Variants in ZNF491 observed in about 807,000 individuals in gnomAD.
ZNF491 encodes the protein zinc finger protein 491.
Under a neutral mutation model 34.7 loss-of-function variants are expected in ZNF491, and 22 were observed. The ratio of observed to expected loss-of-function variants is 0.63; its 90% CI spans 0.45 to 0.90. The LOEUF (loss-of-function observed/expected upper bound fraction) is 0.90. Ranked by LOEUF, ZNF491 falls within the 40% of genes least tolerant of loss-of-function variation. The pLI, the probability that ZNF491 is intolerant of heterozygous loss-of-function variation, is 0.00. For synonymous variants in ZNF491, 148 were observed against 174.3 expected (o/e 0.85, Z 1.19); for missense variants, 559 against 531.7 (o/e 1.05, Z -0.51).
chr19:11,806,705 C>A lies in ZNF491; in HGVS notation c.752C>A (p.Ala251Glu). The change falls in exon 3 of 3, where the codon GCA becomes GAA. Residue 251 changes from alanine to glutamate, a missense_variant. Physicochemically the swap from Ala to Glu is moderately radical, Grantham distance 107. Coordinates refer to ENST00000323169, the MANE Select transcript of ZNF491 (RefSeq NM_152356.4). ...TATGAATGTAAACTATATGGGAAAGCATTATCTCGCCTTATAAGCTTTCGA... is the reference window on the plus strand; with the variant it reads ...TATGAATGTAAACTATATGGGAAAGAATTATCTCGCCTTATAAGCTTTCGA... Reference protein sequence around the residue: ...KPYECKLYGKALSRLISFRRH... With the variant: ...KPYECKLYGKELSRLISFRRH... 1 of 1,613,726 alleles carries A rather than the reference C, an allele frequency of 6.2e-7. No homozygotes were observed. The highest frequency in any genetic ancestry group is 8.5e-7 in the Non-Finnish European group (1 of 1,179,854).
Position 11,806,175 on chromosome 19 carries a change from A to G in ZNF491, c.222A>G (p.Pro74=), listed in dbSNP as rs1415187160. The G allele has an allele frequency of 6.2e-7, 1 of 1,614,072 alleles. No individual in the cohort carries two copies. The stretch of plus-strand genomic sequence containing the variant: ...AGTGTCAGAAATTTTTAGAGAAGCC[A>G]TATAAACATAAACAACGTAGGAAAG... ...PHKCQKFLEK[P]YKHKQRRKAL... Residue 74 remains proline, a synonymous_variant, in exon 3 of 3, where the codon CCA becomes CCG. Coordinates refer to ENST00000323169, the MANE Select transcript of ZNF491 (RefSeq NM_152356.4).
chr19:11,805,869 T>C (rs2145100783), intron 2 of ZNF491, 78 bp from the exon 3 acceptor site: 1 of 1,217,912 alleles, frequency 8.2e-7, no homozygotes, highest in Non-Finnish European at 1.1e-6. Context: ...ACATTAAAAA[T>C]GCAAGTGTAA....
Position 11,808,122 on chromosome 19 carries a change from G to T in ZNF491, c.*855G>T, listed in dbSNP as rs1242708308. 6.1e-6 allele frequency: 1 copy of T among 163,650 alleles called. No individual in the cohort carries two copies. The highest frequency in any genetic ancestry group is 1.9e-4 in the East Asian group (1 of 5,198). 10.1% of individuals were successfully genotyped at this position (163,650 alleles called of 1,614,324 possible). On this transcript the variant is annotated 3_prime_UTR_variant, in exon 3 of 3. Transcript: ENST00000323169. ...TATTCAGCTGGGTGCAGTGGCTCAT[G>T]CCTGTAACCCCAGCACTTTGGGAGG... is the stretch of plus-strand genomic sequence containing the variant.
At chr19:11,804,773 A>G (rs903640850) in intron 2 of ZNF491, 106 bp downstream of exon 2, 2 of 456,794 alleles carry the variant, frequency 4.4e-6, no homozygotes, top group Non-Finnish European at 6.6e-6. Flanking sequence ...CCTTCGATGA[A>G]CAAATCAGGC....
chr19:11,799,717 C>G (rs936158117), intron 1 of ZNF491, among the ~76,000 whole-genome samples: 1 of 151,906 alleles, frequency 6.6e-6, no homozygotes, highest in Non-Finnish European at 1.5e-5. Flanking sequence ...GGGCGGATGA[C>G]GAGGTCAGGA....
In ZNF491 at chr19:11,807,930, T is replaced by G. The variant is rs969055626; in HGVS notation, c.*663T>G. 1.8e-5 allele frequency: 3 copies of G among 167,132 alleles called. No individual in the cohort carries two copies. Among genetic ancestry groups the G allele is most frequent in the African/African-American group, 7.2e-5 (3 of 41,458 alleles). 10.4% of individuals were successfully genotyped at this position (167,132 alleles called of 1,614,324 possible). ...TGACTGGTCTCATCCAGGACTCTCA[T>G]GTGAGAAGGAACACCTTGCTCTGGT... On this transcript the variant is annotated 3_prime_UTR_variant, in exon 3 of 3. Coordinates refer to ENST00000323169, the MANE Select transcript of ZNF491 (RefSeq NM_152356.4).
At position 11,806,136 on chromosome 19, in the gene ZNF491, A is replaced by G; in HGVS notation, c.183A>G (p.Gly61=). Residue 61 remains glycine, a synonymous_variant, in exon 3 of 3, where the codon GGA becomes GGG. Coordinates refer to ENST00000323169, the MANE Select transcript of ZNF491 (RefSeq NM_152356.4). ...SFNRNIRTDT[G]HQPHKCQKFL... is the part of the protein sequence containing the mutation. Reference sequence around the variant, plus strand: ...ATAGGAACATCAGAACTGACACTGGACACCAACCACATAAGTGTCAGAAAT... The same window carrying G: ...ATAGGAACATCAGAACTGACACTGGGCACCAACCACATAAGTGTCAGAAAT... 6.2e-7 allele frequency: 1 copy of G among 1,613,936 alleles called. No individual in the cohort carries two copies. Among genetic ancestry groups the G allele is most frequent in the Non-Finnish European group, 8.5e-7 (1 of 1,180,018 alleles).
At position 11,806,846 on chromosome 19, in the gene ZNF491, C is replaced by G. The variant is rs1250942648; in HGVS notation, c.893C>G (p.Pro298Arg). Residue 298 changes from proline (P) to arginine (R), a missense_variant, in exon 3 of 3, where the codon CCC becomes CGC. By Grantham distance (103) the Pro-to-Arg change is moderately radical. Coordinates refer to ENST00000323169, the MANE Select transcript of ZNF491 (RefSeq NM_152356.4). ...GAAAGAAGTCACACTGGAGAGAAACCCTACAAATGCAAGCAATGTGGGAAA... is the reference window on the plus strand; with the variant it reads ...GAAAGAAGTCACACTGGAGAGAAACGCTACAAATGCAAGCAATGTGGGAAA... The part of the protein sequence containing the change: ...RHERSHTGEK[P>R]YKCKQCGKAF... 6.2e-7 allele frequency: 1 copy of G among 1,609,044 alleles called. No individual in the cohort carries two copies. Among genetic ancestry groups the G allele is most frequent in the East Asian group, 2.2e-5 (1 of 44,864 alleles).
rs148440087 is a variant in ZNF491, at chr19:11,807,107, G to A, written c.1154G>A (p.Cys385Tyr). 785 of 1,611,760 alleles carry A rather than the reference G, an allele frequency of 4.9e-4. 1 individual carries two copies. Among genetic ancestry groups the A allele is most frequent in the Admixed American group, 5.9e-4 (35 of 59,394 alleles). Residue 385 changes from cysteine to tyrosine, a missense_variant, in exon 3 of 3, where the codon TGT becomes TAT. Coordinates refer to ENST00000323169, the MANE Select transcript of ZNF491 (RefSeq NM_152356.4). ...RTHAGEKPYE[C>Y]KHCGKAFTCS... ...CACGCTGGAGAAAAACCTTATGAAT[G>A]TAAGCATTGTGGGAAAGCCTTCACT... is the stretch of plus-strand genomic sequence containing the variant.
In ZNF491 at chr19:11,802,461, T is replaced by G. The variant is rs567275918; in HGVS notation, c.-133-2081T>G. Among the ~76,000 whole-genome samples, 4 of 152,328 alleles carry G rather than the reference T, an allele frequency of 2.6e-5. No homozygotes were observed. In the South Asian group the frequency reaches 6.2e-4, roughly 24 times the overall value. ...CAAATTGATGAGTTTTCTTTTCCCT[T>G]GTTGATAGTGTGTTCCCTTGCACAA... is the stretch of plus-strand genomic sequence containing the variant. On this transcript the variant is annotated intron_variant, in intron 1 of 2. Coordinates refer to ENST00000323169, the MANE Select transcript of ZNF491 (RefSeq NM_152356.4).
chr19:11,807,418 TGCCAC>T lies in ZNF491; in HGVS notation c.*154_*158del. ...AAAATGTAGAGATGGAGTTAGGTGATGCCACGCTGGGATTCACTGGTGGCCTATCT... is the reference window on the plus strand; with the variant it reads ...AAAATGTAGAGATGGAGTTAGGTGATGCTGGGATTCACTGGTGGCCTATCT... On this transcript the variant is annotated 3_prime_UTR_variant, in exon 3 of 3. Coordinates refer to ENST00000323169, the MANE Select transcript of ZNF491 (RefSeq NM_152356.4). 1 of 546,960 alleles carries T rather than the reference TGCCAC, an allele frequency of 1.8e-6. No homozygotes were observed. The highest frequency in any genetic ancestry group is 3.1e-6 in the Non-Finnish European group (1 of 320,438). 33.9% of individuals were successfully genotyped at this position (546,960 alleles called of 1,614,324 possible).
rs933571232 is a variant in ZNF491 at position 11,808,202 on chromosome 19, T to C, written c.*935T>C. 22 of 158,210 alleles carry C rather than the reference T, an allele frequency of 1.4e-4. No homozygotes were observed. The highest frequency in any genetic ancestry group is 4.6e-4 in the African/African-American group (19 of 41,404). 9.8% of individuals were successfully genotyped at this position (158,210 alleles called of 1,614,324 possible). A position where few individuals can be genotyped will look rare whatever the true frequency, so the allele number is the denominator to read the frequency against. On this transcript the variant is annotated 3_prime_UTR_variant, in exon 3 of 3. Transcript: ENST00000323169. ...TTTGAGACTAGCCTGGCCAACACAG[T>C]GAAACCCCATCTCTACTAAAAGTAC...
Position 11,805,775 on chromosome 19 carries a change from C to A in ZNF491, c.-7-172C>A, listed in dbSNP as rs551301295. Among the ~76,000 whole-genome samples the A allele has an allele frequency of 2.0e-5, 3 of 151,270 alleles. No homozygotes were observed. In the South Asian group the frequency reaches 6.3e-4, roughly 32 times the overall value. On this transcript the variant is annotated intron_variant, in intron 2 of 2. Coordinates refer to ENST00000323169, the MANE Select transcript of ZNF491 (RefSeq NM_152356.4). ...GGTGGGAGGATCACTTGAGCCCAGGCGGTGAAGGCTGCAGTGTGTTATGAT... is the reference window on the plus strand; with the variant it reads ...GGTGGGAGGATCACTTGAGCCCAGGAGGTGAAGGCTGCAGTGTGTTATGAT...
chr19:11,806,551 A>G lies in ZNF491; in HGVS notation c.598A>G (p.Ser200Gly), dbSNP rs1285506995. The change falls in exon 3 of 3, where the codon AGT becomes GGT. Residue 200 changes from serine (S) to glycine (G), a missense_variant. By Grantham distance (56) the Ser-to-Gly change is moderately conservative. Coordinates refer to ENST00000323169, the MANE Select transcript of ZNF491 (RefSeq NM_152356.4). ...KECGKSFNFS[S>G]SFRRHERTHT... ...GTGTGGGAAATCATTCAATTTTTCC[A>G]GTTCCTTTCGCAGACATGAAAGGAC... The G allele has an allele frequency of 6.2e-7, 1 of 1,614,136 alleles. No individual in the cohort carries two copies. The highest frequency in any genetic ancestry group is 8.5e-7 in the Non-Finnish European group (1 of 1,180,024).
Position 11,804,597 on chromosome 19 carries a change from T to C in ZNF491, c.-78T>C. 1.9e-6 allele frequency: 3 copies of C among 1,540,674 alleles called. No individual in the cohort carries two copies. The South Asian group carries it at 3.7e-5, about 19-fold the overall frequency. On this transcript the variant is annotated 5_prime_UTR_variant, in exon 2 of 3. Coordinates refer to ENST00000323169, the MANE Select transcript of ZNF491 (RefSeq NM_152356.4). ...AACTTCACCCAGGAGGAGTGGGCCTTGTTGAATCCTTTCCAGAAGATCTCT... is the reference window on the plus strand; with the variant it reads ...AACTTCACCCAGGAGGAGTGGGCCTCGTTGAATCCTTTCCAGAAGATCTCT...
intron 1 of ZNF491, among the ~76,000 whole-genome samples, chr19:11,803,318 A>T (rs1975575465): frequency 6.6e-6 from 1 of 152,190 alleles, no homozygotes; most frequent in Non-Finnish European, 1.5e-5. Flanking sequence ...TTAGATTTAT[A>T]GAAAACTTGC....
At chr19:11,800,515 CTTTTTTTTTTTT>C (rs529515412) in intron 1 of ZNF491, among the ~76,000 whole-genome samples, 5 of 123,814 alleles carry the variant, frequency 4.0e-5, no homozygotes, top group Admixed American at 1.7e-4. Context: ...ATAAGGAAAA[CTTTTTTTTTTTT>C]TTTTTTTTTG....
Position 11,798,978 on chromosome 19 carries a change from A to C in ZNF491, c.-134+251A>C, listed in dbSNP as rs1975530128. 6.6e-6 allele frequency: 1 copy of C among 152,574 alleles called. No homozygotes were observed. Among genetic ancestry groups the C allele is most frequent in the African/African-American group, 2.4e-5 (1 of 41,444 alleles). 9.5% of individuals were successfully genotyped at this position (152,574 alleles called of 1,614,324 possible). On this transcript the variant is annotated intron_variant, in intron 1 of 2. Transcript: ENST00000323169. The surrounding 1 kb of genome is among the most constrained non-coding windows in gnomAD (Gnocchi z 4.0). ...CCCGGCCCCGGAGTCCTCTCTGGGC[A>C]GCTCCGCGCCCGCAGCCCGGCGTCT...
intron 1 of ZNF491, among the ~76,000 whole-genome samples, 172 bp from the exon 2 acceptor site, chr19:11,804,370 G>A (rs7254316): frequency 0.61 from 92,376 of 152,100 alleles, 29,907 homozygotes; most frequent in African/African-American, 0.85. Flanking sequence ...TGGCATCAAA[G>A]TTGCTGTTTG....
Sources: gnomAD v4.1 joint callset for allele counts (sites outside exome capture counted in the v4.1 genomes callset) on GRCh38, gnomAD v4.1.1 for gene constraint, Gnocchi (gnomAD v3.1) non-coding constraint, MANE v1.5 for transcripts, NCBI Gene and HGNC (gene_info 2026-07-23, HGNC 2026-07-21) for gene names.